LSAMP: variants seen among roughly 807,000 people sequenced by gnomAD.
LSAMP encodes limbic system associated membrane protein.
Under a neutral mutation model 38.6 loss-of-function variants are expected in LSAMP, and 7 were observed. The observed-to-expected ratio is 0.18, with a 90% CI of 0.10 to 0.34. The LOEUF (loss-of-function observed/expected upper bound fraction) is 0.34, where lower values mean the gene tolerates loss of function less well. Ranked by LOEUF, LSAMP falls within the 10% of genes least tolerant of loss-of-function variation. LSAMP has a pLI of 1.00. For missense variants in LSAMP, 313 were observed against 420.0 expected, an observed-to-expected ratio of 0.75 and a Z score of 2.23; for synonymous variants, 154 against 166.8, an observed-to-expected ratio of 0.92 and a Z score of 0.59.
intron 1 of LSAMP, among the ~76,000 whole-genome samples, chr3:116,116,372 T>A (rs1300253309): frequency 2.0e-5 from 3 of 151,802 alleles, no homozygotes; most frequent in Non-Finnish European, 4.4e-5. Context: ...CTTAGGTCTC[T>A]GGAACTCTTC....
At chr3:116,329,880 G>T (rs1464403122) in intron 1 of LSAMP, among the ~76,000 whole-genome samples, 1 of 151,374 alleles carries the variant, frequency 6.6e-6, no homozygotes, top group Non-Finnish European at 1.5e-5. Context: ...AATATGAAAG[G>T]GTTTAAAAAA....
intron 1 of LSAMP, among the ~76,000 whole-genome samples, chr3:116,112,094 GCTT>G (rs1365380529): frequency 6.6e-6 from 1 of 152,222 alleles, no homozygotes; most frequent in Non-Finnish European, 1.5e-5. Flanking sequence ...CAAGGGTAAA[GCTT>G]CTTAGCTGAA....
At chr3:116,067,584 C>T (rs1271400415) in intron 2 of LSAMP, among the ~76,000 whole-genome samples, 1 of 152,218 alleles carries the variant, frequency 6.6e-6, no homozygotes, top group Non-Finnish European at 1.5e-5. Flanking sequence ...CTGGCAAATA[C>T]CCCCTGGTTG....
rs192852127 is a variant in LSAMP, at chr3:115,874,956, T to C, written c.515-22339A>G. Among the ~76,000 whole-genome samples, 87 of 152,194 alleles carry C rather than the reference T, an allele frequency of 5.7e-4. No homozygotes were observed. In the Middle Eastern group the frequency reaches 0.021, roughly 36 times the overall value. On this transcript the variant is annotated intron_variant, in intron 3 of 6. Transcript: ENST00000490035. ...GTTTTCCTCAAATTAAACAGACACATTTAATAAAAATAGCTGTTATTTACC... is the reference window on the plus strand; with the variant it reads ...GTTTTCCTCAAATTAAACAGACACACTTAATAAAAATAGCTGTTATTTACC...
intron 2 of LSAMP, among the ~76,000 whole-genome samples, chr3:116,031,046 G>A (rs1940907654): frequency 6.6e-6 from 1 of 151,942 alleles, no homozygotes; most frequent in Non-Finnish European, 1.5e-5. Flanking sequence ...TGAATGTGAG[G>A]AAATATTGCC....
chr3:115,852,087 C>T (rs904869301), intron 4 of LSAMP, among the ~76,000 whole-genome samples: 11 of 152,186 alleles, frequency 7.2e-5, no homozygotes, highest in Non-Finnish European at 1.6e-4. Flanking sequence ...AATCTTGAGG[C>T]ATTCCCTCCT....
At chr3:116,372,651 G>T (rs1231347386) in intron 1 of LSAMP, among the ~76,000 whole-genome samples, 3 of 151,594 alleles carry the variant, frequency 2.0e-5, no homozygotes, top group African/African-American at 7.3e-5. Flanking sequence ...GAAAATATTT[G>T]CAAATACTAT....
At chr3:116,096,239 G>A (rs1010550707) in intron 1 of LSAMP, among the ~76,000 whole-genome samples, 1 of 152,136 alleles carries the variant, frequency 6.6e-6, no homozygotes, top group African/African-American at 2.4e-5. Context: ...GATATATTTG[G>A]AGTACACAGT....
intron 3 of LSAMP, among the ~76,000 whole-genome samples, chr3:115,867,135 T>A (rs1315704777): frequency 6.6e-6 from 1 of 152,056 alleles, no homozygotes; most frequent in Non-Finnish European, 1.5e-5. Context: ...CACTAACATA[T>A]AAGTCTTGGT....
rs569783143 is a variant in LSAMP, at chr3:116,183,323, T to C, written c.156-96767A>G. ...TAAATTCATCATGATTGCATGCTTA[T>C]TGCATGGAAGGCACAGCATAAAGTG... On this transcript the variant is annotated intron_variant, in intron 1 of 6. Coordinates refer to ENST00000490035, the MANE Select transcript of LSAMP (RefSeq NM_002338.5). Among the ~76,000 whole-genome samples the C allele has an allele frequency of 2.0e-5, 3 of 152,016 alleles. No homozygotes were observed. In the East Asian group the frequency reaches 5.8e-4, roughly 29 times the overall value.
chr3:116,129,298 A>T (rs1218310963), intron 1 of LSAMP, among the ~76,000 whole-genome samples: 2 of 152,330 alleles, frequency 1.3e-5, no homozygotes, highest in East Asian at 1.9e-4. Flanking sequence ...TCATAAACAT[A>T]AGAATGGCAC....
rs1345067144 is a variant in LSAMP at position 116,213,924 on chromosome 3, T to TA, written c.156-127369dup. Among the ~76,000 whole-genome samples the TA allele has an allele frequency of 1.3e-4, 20 of 152,326 alleles. No homozygotes were observed. In the East Asian group the frequency reaches 3.7e-3, roughly 28 times the overall value. The stretch of plus-strand genomic sequence containing the variant: ...GTGGCAAGGAGAAATTAAGAGTTAC[T>TA]AACCAATGGGCATAAAGTTTCAGTT... On this transcript the variant is annotated intron_variant, in intron 1 of 6. Coordinates refer to ENST00000490035, the MANE Select transcript of LSAMP (RefSeq NM_002338.5).
At chr3:116,218,055 A>C (rs950789064) in intron 1 of LSAMP, among the ~76,000 whole-genome samples, 1 of 152,140 alleles carries the variant, frequency 6.6e-6, no homozygotes, top group African/African-American at 2.4e-5. Context: ...TACCGAAAAA[A>C]ATGGGCGCTG....
chr3:116,220,094 G>A (rs776195873), intron 1 of LSAMP, among the ~76,000 whole-genome samples: 3 of 151,936 alleles, frequency 2.0e-5, no homozygotes, highest in African/African-American at 7.3e-5. Flanking sequence ...TGAGCCAGGA[G>A]ATCACTTGAA....
intron 3 of LSAMP, among the ~76,000 whole-genome samples, chr3:115,962,588 G>A (rs148681886): frequency 3.3e-5 from 5 of 152,184 alleles, no homozygotes; most frequent in Admixed American, 3.3e-4. Context: ...TTGTGAGAGA[G>A]TTAAACAGGA....
intron 3 of LSAMP, among the ~76,000 whole-genome samples, chr3:115,945,539 A>G (rs1177671018): frequency 1.3e-5 from 2 of 152,124 alleles, no homozygotes; most frequent in Non-Finnish European, 2.9e-5. Flanking sequence ...CAGGGCCACC[A>G]AACTGTAATT....
At chr3:115,961,872 A>G (rs1938637734) in intron 3 of LSAMP, among the ~76,000 whole-genome samples, 2 of 152,282 alleles carry the variant, frequency 1.3e-5, no homozygotes, top group South Asian at 4.1e-4. Flanking sequence ...ACCTTTATTA[A>G]ATCCTTTCAA....
At chr3:116,074,691 A>G (rs996566385) in intron 2 of LSAMP, among the ~76,000 whole-genome samples, 3 of 152,092 alleles carry the variant, frequency 2.0e-5, no homozygotes, top group Non-Finnish European at 4.4e-5. Flanking sequence ...TAGTATCACT[A>G]GTTTTAAAAT....
intron 3 of LSAMP, among the ~76,000 whole-genome samples, chr3:115,877,439 A>G (rs1646184396): frequency 6.6e-6 from 1 of 152,196 alleles, no homozygotes; most frequent in African/African-American, 2.4e-5. Flanking sequence ...ATTCACAGAC[A>G]TAACATTTCA....
Sources: gnomAD v4.1 joint callset for allele counts (sites outside exome capture counted in the v4.1 genomes callset) on GRCh38, gnomAD v4.1.1 for gene constraint, MANE v1.5 for transcripts, NCBI Gene and HGNC (gene_info 2026-07-23, HGNC 2026-07-21) for gene names.